The following ZNF30 variants were observed in gnomAD, a reference collection of about 807,000 sequenced individuals.
The protein encoded by ZNF30 is zinc finger protein 30, also known as zinc finger protein 30 (KOX 28).
Under a neutral mutation model 13.2 loss-of-function variants are expected in ZNF30, and 15 were observed. The ratio of observed to expected loss-of-function variants is 1.13; its 90% CI spans 0.76 to 1.75. The LOEUF (loss-of-function observed/expected upper bound fraction) is 1.75, where lower values mean the gene tolerates loss of function less well. Ranked by LOEUF, ZNF30 falls within the 40% of genes most tolerant of loss-of-function variation. The pLI is 0.00. For missense variants in ZNF30, 726 were observed against 757.0 expected (o/e 0.96, Z 0.48); for synonymous variants, 223 against 256.6 (o/e 0.87, Z 1.25).
intron 4 of ZNF30, among the ~76,000 whole-genome samples, chr19:34,942,056 A>G (rs549983156): frequency 2.0e-5 from 3 of 152,346 alleles, no homozygotes; most frequent in Non-Finnish European, 4.4e-5. Context: ...GTTTAGCAGT[A>G]TATCTTGTCA....
Position 34,943,283 on chromosome 19 carries a change from C to G in ZNF30, c.317C>G (p.Pro106Arg). The change falls in exon 5 of 5, where the codon CCA becomes CGA. Residue 106 changes from proline to arginine, a missense_variant. Transcript: ENST00000601142. ...CKEMPTSENCPSFALHQKISR... is the reference protein window; with the variant it reads ...CKEMPTSENCRSFALHQKISR... ...GAAATGCCCACCTCTGAAAACTGTC[C>G]ATCTTTTGCTCTACATCAGAAAATA... 6.2e-7 allele frequency: 1 copy of G among 1,613,220 alleles called. No individual in the cohort carries two copies. The highest frequency in any genetic ancestry group is 8.5e-7 in the Non-Finnish European group (1 of 1,179,618).
rs1206254525 is a variant in ZNF30 at position 34,943,323 on chromosome 19, A to C, written c.357A>C (p.Pro119=). Residue 119 remains proline, a synonymous_variant, in exon 5 of 5, where the codon CCA becomes CCC. Coordinates refer to ENST00000601142, the MANE Select transcript of ZNF30 (RefSeq NM_194325.3). The part of the protein sequence containing the change: ...ALHQKISRQK[P]RECQEYGKTL... ...ATCAGAAAATAAGTAGACAGAAACC[A>C]CGTGAATGTCAGGAATATGGAAAGA... 27 of 1,613,976 alleles carry C rather than the reference A, an allele frequency of 1.7e-5. No individual in the cohort carries two copies. Among genetic ancestry groups the C allele is most frequent in the Non-Finnish European group, 2.2e-5 (26 of 1,179,872 alleles).
intron 3 of ZNF30, among the ~76,000 whole-genome samples, chr19:34,932,313 C>T (rs1175519136): frequency 6.6e-6 from 1 of 152,142 alleles, no homozygotes; most frequent in Non-Finnish European, 1.5e-5. Flanking sequence ...AAGACCTATA[C>T]AACTTATATG....
chr19:34,940,349 G>A (rs1451308735), intron 4 of ZNF30, among the ~76,000 whole-genome samples: 1 of 151,928 alleles, frequency 6.6e-6, no homozygotes, highest in Non-Finnish European at 1.5e-5. Flanking sequence ...ACCTCCAAAA[G>A]TTTTTTTTCT....
intron 4 of ZNF30, among the ~76,000 whole-genome samples, chr19:34,936,192 A>G (rs1427875479): frequency 6.6e-6 from 1 of 152,200 alleles, no homozygotes; most frequent in Non-Finnish European, 1.5e-5. Context: ...ATGTTTTTAG[A>G]TAATTACTCC....
chr19:34,929,172 G>A (rs1325774589), intron 1 of ZNF30, among the ~76,000 whole-genome samples: 2 of 152,088 alleles, frequency 1.3e-5, no homozygotes, highest in African/African-American at 4.8e-5. Context: ...CTAGCTACTC[G>A]GGAGGGAGGC....
chr19:34,931,956 T>C lies in ZNF30; in HGVS notation c.123T>C (p.Asp41=), dbSNP rs914032081. ...CTTCCCAGAGGGGCTTGTACAGAGA[T>C]GTGATGTTGGAGAACTACAGGAACT... is the stretch of plus-strand genomic sequence containing the variant. The part of the protein sequence containing the change: ...LDSSQRGLYR[D]VMLENYRNLV... The change falls in exon 3 of 5, where the codon GAT becomes GAC. Residue 41 remains aspartate (D), a synonymous_variant. Transcript: ENST00000601142. 3.1e-6 allele frequency: 5 copies of C among 1,604,492 alleles called. No individual in the cohort carries two copies. The highest frequency in any genetic ancestry group is 3.5e-5 in the Admixed American group (2 of 57,128).
intron 1 of ZNF30, among the ~76,000 whole-genome samples, chr19:34,929,280 C>A (rs749149884): frequency 1.2e-4 from 18 of 152,226 alleles, no homozygotes; most frequent in Admixed American, 2.0e-4. Context: ...GGGCGAGACT[C>A]CGTCTCAAAA....
intron 4 of ZNF30, among the ~76,000 whole-genome samples, chr19:34,938,722 T>A (rs1198000933): frequency 6.6e-6 from 1 of 152,112 alleles, no homozygotes; most frequent in Non-Finnish European, 1.5e-5. Context: ...CAACTGCGCA[T>A]TCAGACTAAG....
intron 1 of ZNF30, among the ~76,000 whole-genome samples, chr19:34,929,372 T>C (rs1444029955): frequency 6.6e-6 from 1 of 152,372 alleles, no homozygotes; most frequent in East Asian, 1.9e-4. Flanking sequence ...GGTTTTCTTA[T>C]TCTTCAGGAC....
chr19:34,925,837 C>A (rs2012051487), upstream of ZNF30, among the ~76,000 whole-genome samples: 2 of 151,754 alleles, frequency 1.3e-5, no homozygotes, highest in Admixed American at 1.3e-4. Context: ...AATGTCATCA[C>A]CCTGGACTGA....
At chr19:34,935,218 G>A (rs10418163) in intron 4 of ZNF30, among the ~76,000 whole-genome samples, 46,282 of 150,560 alleles carry the variant, frequency 0.31, 7,177 homozygotes, top group South Asian at 0.35. Flanking sequence ...GCGACAGAGC[G>A]AGACTCCGTC....
intron 4 of ZNF30, among the ~76,000 whole-genome samples, chr19:34,938,554 T>C (rs1600227462): frequency 6.6e-6 from 1 of 152,182 alleles, no homozygotes; most frequent in South Asian, 2.1e-4. Context: ...TATCTATATA[T>C]ATAAAAATTT....
At chr19:34,931,325 CAAGAT>C in intron 2 of ZNF30, among the ~76,000 whole-genome samples, 1 of 152,256 alleles carries the variant, frequency 6.6e-6, no homozygotes, top group South Asian at 2.1e-4. Context: ...TACAGATCCA[CAAGAT>C]AACTTTTATG....
chr19:34,935,042 A>G (rs1233042936), intron 4 of ZNF30, among the ~76,000 whole-genome samples: 1 of 152,104 alleles, frequency 6.6e-6, no homozygotes. Flanking sequence ...ATCCTGGCTA[A>G]CATGGTAAAA....
At chr19:34,938,847 C>T (rs978522108) in intron 4 of ZNF30, among the ~76,000 whole-genome samples, 1 of 152,240 alleles carries the variant, frequency 6.6e-6, no homozygotes, top group Non-Finnish European at 1.5e-5. Context: ...CAGTAGTTCA[C>T]GCAGGATACA....
At chr19:34,932,068 C>G in intron 3 of ZNF30, 75 bp downstream of exon 3, 1 of 1,324,930 alleles carries the variant, frequency 7.5e-7, no homozygotes, top group Non-Finnish European at 1.0e-6. Flanking sequence ...TTAGGGCTAG[C>G]TTAAGAACTG....
intron 4 of ZNF30, among the ~76,000 whole-genome samples, chr19:34,940,433 C>T (rs779846614): frequency 1.1e-4 from 16 of 151,978 alleles, no homozygotes; most frequent in Non-Finnish European, 2.4e-4. Flanking sequence ...CTTGGGAGGT[C>T]GAGACAGGCA....
At chr19:34,924,609 T>G (rs1365755290), upstream of ZNF30, among the ~76,000 whole-genome samples, 1 of 152,212 alleles carries the variant, frequency 6.6e-6, no homozygotes, top group Non-Finnish European at 1.5e-5. Context: ...AGGACAGAAG[T>G]GATCAGTGAC....
Sources: allele counts gnomAD v4.1 joint callset (sites outside exome capture counted in the v4.1 genomes callset), GRCh38; gene constraint gnomAD v4.1.1; transcripts MANE v1.5; gene names NCBI Gene and HGNC (gene_info 2026-07-23, HGNC 2026-07-21).